ATG4C: variants seen among roughly 807,000 people sequenced by gnomAD.
ATG4C encodes cysteine protease ATG4C.
ATG4C carries 56 observed loss-of-function variants against 57.6 expected under a neutral mutation model. The ratio of observed to expected loss-of-function variants is 0.97; its 90% CI spans 0.78 to 1.21. The LOEUF is 1.21. Among genes scored for constraint, ATG4C ranks in the 50% most tolerant of loss-of-function variants. ATG4C has a pLI of 0.00. For missense variants in ATG4C, 595 were observed against 529.8 expected (o/e 1.12, Z -1.21); for synonymous variants, 157 against 174.1 (o/e 0.90, Z 0.78).
At chr1:62,863,517 T>G (rs1430093862) in intron 10 of ATG4C, among the ~76,000 whole-genome samples, 2 of 152,038 alleles carry the variant, frequency 1.3e-5, no homozygotes, top group East Asian at 3.8e-4. Flanking sequence ...GGTAGAGTGA[T>G]GTGTCCAAGG....
At chr1:62,862,702 A>C (rs1465174062) in intron 10 of ATG4C, among the ~76,000 whole-genome samples, 2 of 152,004 alleles carry the variant, frequency 1.3e-5, no homozygotes, top group African/African-American at 4.8e-5. Flanking sequence ...TTAATGGTTC[A>C]TTTCCATTCA....
At chr1:62,795,634 G>A (rs1389218748) in intron 1 of ATG4C, among the ~76,000 whole-genome samples, 1 of 152,074 alleles carries the variant, frequency 6.6e-6, no homozygotes, top group Non-Finnish European at 1.5e-5. Context: ...GTTGTAGTAT[G>A]TGTTAGTAAA....
chr1:62,803,067 A>AT (rs1557962366), intron 1 of ATG4C, among the ~76,000 whole-genome samples: 1 of 152,144 alleles, frequency 6.6e-6, no homozygotes, highest in African/African-American at 2.4e-5. Context: ...ACACATCTCA[A>AT]TTTTCCCTAA....
chr1:62,860,793 G>C (rs886985718), intron 10 of ATG4C, among the ~76,000 whole-genome samples: 9 of 152,150 alleles, frequency 5.9e-5, no homozygotes, highest in Non-Finnish European at 1.2e-4. Context: ...ATGCTACATA[G>C]ATATACACTG....
At chr1:62,793,499 A>G (rs550573288) in intron 1 of ATG4C, among the ~76,000 whole-genome samples, 2 of 150,128 alleles carry the variant, frequency 1.3e-5, no homozygotes, top group African/African-American at 2.4e-5. Flanking sequence ...TGTAGTCCCA[A>G]CTACTAGGGA....
intron 10 of ATG4C, among the ~76,000 whole-genome samples, chr1:62,853,666 G>T (rs1411154235): frequency 6.6e-6 from 1 of 152,106 alleles, no homozygotes; most frequent in Non-Finnish European, 1.5e-5. Flanking sequence ...GGCTGGTCGT[G>T]AACTCCTGGG....
intron 10 of ATG4C, among the ~76,000 whole-genome samples, chr1:62,858,382 G>A (rs145810576): frequency 1.8e-4 from 27 of 152,288 alleles, no homozygotes; most frequent in African/African-American, 6.3e-4. Flanking sequence ...TCAGTTACTA[G>A]TTGTGTGACC....
At chr1:62,795,655 T>C (rs1664437165) in intron 1 of ATG4C, among the ~76,000 whole-genome samples, 1 of 152,088 alleles carries the variant, frequency 6.6e-6, no homozygotes, top group South Asian at 2.1e-4. Context: ...GAACATCTGC[T>C]TGAAAAAAGA....
chr1:62,850,915 C>T lies in ATG4C; in HGVS notation c.1209+9368C>T, dbSNP rs761611496. 5.6e-4 allele frequency among the ~76,000 whole-genome samples: 77 copies of T among 138,480 alleles called. 2 individuals carry two copies. The highest frequency in any genetic ancestry group is 1.1e-3 in the Non-Finnish European group (70 of 64,030). The allele number at this position is 138,480 out of a possible 152,430, so 90.8% of individuals were successfully genotyped here. A position where few individuals can be genotyped will look rare whatever the true frequency, so the allele number is the denominator to read the frequency against. On this transcript the variant is annotated intron_variant, in intron 10 of 10. Transcript: ENST00000317868. Reference sequence around the variant, plus strand: ...ATATATATATATACATACACATACACACACATTCTGTTTAGTTATCTATCA... The same window carrying T: ...ATATATATATATACATACACATACATACACATTCTGTTTAGTTATCTATCA...
At position 62,805,193 on chromosome 1, in the gene ATG4C, C is replaced by G. The variant is rs202024659; in HGVS notation, c.98C>G (p.Thr33Arg). 1.3e-6 allele frequency: 2 copies of G among 1,507,764 alleles called. No homozygotes were observed. Among genetic ancestry groups the G allele is most frequent in the Admixed American group, 2.5e-5 (1 of 39,524 alleles). 93.4% of individuals were successfully genotyped at this position (1,507,764 alleles called of 1,614,324 possible). ...CTAGGTTGGGTGTTGAAAACAAAGA[C>G]GTATTTTAGTAGAAATTCTCCTGTA... ...MKYSWVLKTK[T>R]YFSRNSPVLL... Residue 33 changes from threonine (T) to arginine (R), a missense_variant, in exon 3 of 11, where the codon ACG becomes AGG. Thr to Arg is a moderately conservative substitution (Grantham distance 71). Transcript: ENST00000317868.
chr1:62,818,013 G>C (rs1665338847), intron 4 of ATG4C, among the ~76,000 whole-genome samples: 1 of 152,050 alleles, frequency 6.6e-6, no homozygotes, highest in Admixed American at 6.6e-5. Flanking sequence ...TTATAGTCTT[G>C]TGCAGTCATG....
intron 7 of ATG4C, among the ~76,000 whole-genome samples, chr1:62,833,654 A>G (rs1665908817): frequency 6.6e-6 from 1 of 152,150 alleles, no homozygotes; most frequent in South Asian, 2.1e-4. Flanking sequence ...TATCTTTAGC[A>G]TTTCAAAAAG....
intron 10 of ATG4C, among the ~76,000 whole-genome samples, chr1:62,854,976 G>A (rs1352909584): frequency 6.6e-6 from 1 of 151,720 alleles, no homozygotes; most frequent in Non-Finnish European, 1.5e-5. Flanking sequence ...TCATCACTGT[G>A]TCTGGTGTAC....
chr1:62,854,427 G>A lies in ATG4C; in HGVS notation c.1210-9565G>A, dbSNP rs1184215642. Among the ~76,000 whole-genome samples, 4 of 151,756 alleles carry A rather than the reference G, an allele frequency of 2.6e-5. No homozygotes were observed. In the South Asian group the frequency reaches 8.3e-4, roughly 32 times the overall value. ...CGAGTAGCTGGGACTACAGGCACTT[G>A]CCACCATGCCCGGCTAATTTTTTGT... On this transcript the variant is annotated intron_variant, in intron 10 of 10. Transcript: ENST00000317868.
intron 1 of ATG4C, among the ~76,000 whole-genome samples, chr1:62,793,858 G>A (rs1664375714): frequency 6.6e-6 from 1 of 151,612 alleles, no homozygotes; most frequent in South Asian, 2.1e-4. Context: ...ATTAACTTAC[G>A]GTGTTACCTC....
chr1:62,818,723 A>G (rs1328218160), intron 4 of ATG4C, among the ~76,000 whole-genome samples: 1 of 152,104 alleles, frequency 6.6e-6, no homozygotes, highest in East Asian at 1.9e-4. Context: ...TGAATAATTC[A>G]GTGGTTCTTA....
At position 62,822,546 on chromosome 1, in the gene ATG4C, A is replaced by G. The variant is rs146675394; in HGVS notation, c.796+1337A>G. On this transcript the variant is annotated intron_variant, in intron 6 of 10. Transcript: ENST00000317868. Reference sequence around the variant, plus strand: ...ATTTGTTACATATAATTAAGCAAACATTACAGTGTTCCTTGTTATAGAAAT... The same window carrying G: ...ATTTGTTACATATAATTAAGCAAACGTTACAGTGTTCCTTGTTATAGAAAT... Among the ~76,000 whole-genome samples the G allele has an allele frequency of 5.3e-3, 805 of 152,346 alleles. 10 individuals carry two copies. The highest frequency in any genetic ancestry group is 0.019 in the African/African-American group (781 of 41,594).
intron 10 of ATG4C, among the ~76,000 whole-genome samples, chr1:62,846,678 C>A (rs1666333668): frequency 6.6e-6 from 1 of 152,138 alleles, no homozygotes; most frequent in African/African-American, 2.4e-5. Flanking sequence ...TCTTACCTCC[C>A]TTCTCTCTCT....
At chr1:62,831,301 A>T (rs1174931133) in intron 7 of ATG4C, among the ~76,000 whole-genome samples, 4 of 152,174 alleles carry the variant, frequency 2.6e-5, no homozygotes, top group Non-Finnish European at 5.9e-5. Flanking sequence ...GTGAAAAGGT[A>T]GTGTGTTCAT....
Sources: gnomAD v4.1 joint callset for allele counts (sites outside exome capture counted in the v4.1 genomes callset) on GRCh38, gnomAD v4.1.1 for gene constraint, MANE v1.5 for transcripts, NCBI Gene and HGNC (gene_info 2026-07-23, HGNC 2026-07-21) for gene names.